The following DENND1A variants were observed in gnomAD, a reference collection of about 807,000 sequenced individuals.
DENND1A encodes the protein DENN domain-containing protein 1A.
A neutral mutation model predicts 113.7 loss-of-function variants in DENND1A; 51 were observed. The ratio of observed to expected loss-of-function variants is 0.45; its 90% CI spans 0.36 to 0.57. The LOEUF is 0.57. Among genes scored for constraint, DENND1A ranks in the 20% least tolerant of loss-of-function variants. The pLI is 0.00. For missense variants in DENND1A, 1,258 were observed against 1,395.9 expected, an observed-to-expected ratio of 0.90 and a Z score of 1.57; for synonymous variants, 565 against 570.8, an observed-to-expected ratio of 0.99 and a Z score of 0.14.
At chr9:123,496,687 G>A (rs1195728914) in intron 13 of DENND1A, among the ~76,000 whole-genome samples, 3 of 152,124 alleles carry the variant, frequency 2.0e-5, no homozygotes, top group Admixed American at 2.0e-4. Flanking sequence ...CCTGTGAATC[G>A]GACCCACTTG....
At chr9:123,886,905 C>T (rs868288850) in intron 1 of DENND1A, among the ~76,000 whole-genome samples, 9 of 152,280 alleles carry the variant, frequency 5.9e-5, no homozygotes, top group South Asian at 4.2e-4. Context: ...AATGAAGATA[C>T]GCAGATATTG....
intron 3 of DENND1A, among the ~76,000 whole-genome samples, chr9:123,786,441 A>T (rs1194329466): frequency 6.6e-6 from 1 of 152,190 alleles, no homozygotes; most frequent in African/African-American, 2.4e-5. Context: ...TGGCCATGCC[A>T]TTATTCCACA....
At chr9:123,699,099 T>TAACTG (rs147227319) in intron 5 of DENND1A, among the ~76,000 whole-genome samples, 64,716 of 151,462 alleles carry the variant, frequency 0.43, 16,956 homozygotes, top group African/African-American at 0.75. Flanking sequence ...TGGAGCCAAC[T>TAACTG]AAAGAGCTGT....
chr9:123,606,527 T>G (rs2060161919), intron 11 of DENND1A, among the ~76,000 whole-genome samples: 1 of 152,254 alleles, frequency 6.6e-6, no homozygotes, highest in East Asian at 1.9e-4. Flanking sequence ...TATTTTACAC[T>G]GCATGTTTTA....
At chr9:123,914,589 T>C (rs1055705270) in intron 1 of DENND1A, among the ~76,000 whole-genome samples, 16 of 145,026 alleles carry the variant, frequency 1.1e-4, no homozygotes, top group Non-Finnish European at 1.8e-4. Context: ...GGGTAATTGA[T>C]AAAGAAAAGA....
intron 12 of DENND1A, chr9:123,569,643 T>C (rs1314845114): frequency 6.6e-6 from 1 of 152,342 alleles, no homozygotes; most frequent in African/African-American, 2.4e-5. Flanking sequence ...TGTCGCCAAG[T>C]GGCCCAAGAC....
At chr9:123,874,770 T>C (rs531807299) in intron 2 of DENND1A, among the ~76,000 whole-genome samples, 1 of 152,342 alleles carries the variant, frequency 6.6e-6, no homozygotes, top group South Asian at 2.1e-4. Flanking sequence ...CAAATCTAAC[T>C]GTACCAAGGG....
At chr9:123,577,211 G>T (rs2058680411) in intron 12 of DENND1A, among the ~76,000 whole-genome samples, 1 of 151,780 alleles carries the variant, frequency 6.6e-6, no homozygotes, top group African/African-American at 2.4e-5. Context: ...AGTTTTTATT[G>T]CTATATCTTC....
chr9:123,632,332 A>C (rs77933821), intron 9 of DENND1A, among the ~76,000 whole-genome samples: 3,386 of 152,150 alleles, frequency 0.022, 49 homozygotes, highest in Non-Finnish European at 0.034. Context: ...CCATCCCTTC[A>C]CATTCTATTT....
At chr9:123,810,978 T>G (rs1403969473) in intron 2 of DENND1A, among the ~76,000 whole-genome samples, 2 of 152,018 alleles carry the variant, frequency 1.3e-5, no homozygotes, top group African/African-American at 4.8e-5. Context: ...AGGCTGGTCT[T>G]GATCCCCTGA....
chr9:123,413,638 G>A (rs1466137945), intron 19 of DENND1A: 6 of 985,422 alleles, frequency 6.1e-6, no homozygotes, highest in African/African-American at 3.5e-5. Flanking sequence ...TGGAGAACAC[G>A]ATGGGATAGA....
At chr9:123,872,959 T>C (rs57277011) in intron 2 of DENND1A, among the ~76,000 whole-genome samples, 10,383 of 152,226 alleles carry the variant, frequency 0.068, 489 homozygotes, top group African/African-American at 0.13. Flanking sequence ...AAAGGGAAGA[T>C]TATGCCCAGA....
At chr9:123,887,435 C>A (rs1324326909) in intron 1 of DENND1A, among the ~76,000 whole-genome samples, 1 of 151,962 alleles carries the variant, frequency 6.6e-6, no homozygotes, top group Non-Finnish European at 1.5e-5. Context: ...AAGTCAGAAC[C>A]TGAGTGGGGT....
At chr9:123,418,034 CT>C (rs1447047036) in intron 19 of DENND1A, among the ~76,000 whole-genome samples, 1 of 152,114 alleles carries the variant, frequency 6.6e-6, no homozygotes, top group African/African-American at 2.4e-5. Flanking sequence ...GAATGTCAGG[CT>C]GAGAATTTGC....
At chr9:123,736,689 A>G (rs2068590590) in intron 5 of DENND1A, among the ~76,000 whole-genome samples, 1 of 152,254 alleles carries the variant, frequency 6.6e-6, no homozygotes, top group Non-Finnish European at 1.5e-5. Flanking sequence ...AATTGTCAAA[A>G]AAATGAATTA....
chr9:123,521,565 T>C (rs1198148162), intron 13 of DENND1A, among the ~76,000 whole-genome samples: 1 of 152,224 alleles, frequency 6.6e-6, no homozygotes. Flanking sequence ...AAGATAATCC[T>C]TAAGTTTCAT....
At chr9:123,683,756 G>C (rs1318492760) in intron 5 of DENND1A, among the ~76,000 whole-genome samples, 1 of 152,166 alleles carries the variant, frequency 6.6e-6, no homozygotes, top group East Asian at 1.9e-4. Context: ...GACGGTGACT[G>C]TGTATTGACT....
chr9:123,396,409 T>C (rs1276957116), intron 21 of DENND1A, among the ~76,000 whole-genome samples: 7 of 152,192 alleles, frequency 4.6e-5, no homozygotes, highest in African/African-American at 7.2e-5. Flanking sequence ...GGAGGGAAAG[T>C]GCTCTACCCC....
intron 19 of DENND1A, among the ~76,000 whole-genome samples, chr9:123,421,134 A>G (rs1014876305): frequency 2.7e-5 from 4 of 146,948 alleles, no homozygotes; most frequent in African/African-American, 1.0e-4. Context: ...ACACGAGGTG[A>G]GGTTAGAGGG....
Sources: allele counts gnomAD v4.1 joint callset (sites outside exome capture counted in the v4.1 genomes callset), GRCh38; gene constraint gnomAD v4.1.1; transcripts MANE v1.5; gene names NCBI Gene and HGNC (gene_info 2026-07-23, HGNC 2026-07-21).